The following TCF12 variants were observed in gnomAD, a reference collection of about 807,000 sequenced individuals.
TCF12 encodes DNA-binding protein HTF4.
Under a neutral mutation model 86.0 loss-of-function variants are expected in TCF12, and 45 were observed. That is an observed-to-expected ratio of 0.52 (90% CI 0.41 to 0.67). The LOEUF (loss-of-function observed/expected upper bound fraction) is 0.67. Ranked by LOEUF, TCF12 falls within the 30% of genes least tolerant of loss-of-function variation. TCF12 has a pLI of 0.00. For synonymous variants in TCF12, 330 were observed against 299.6 expected (o/e 1.10, Z -1.05); for missense variants, 881 against 859.9 (o/e 1.02, Z -0.31).
intron 6 of TCF12, among the ~76,000 whole-genome samples, chr15:57,182,260 G>A (rs528242437): frequency 3.9e-5 from 6 of 152,216 alleles, no homozygotes; most frequent in African/African-American, 1.2e-4. Context: ...AATAGTTGAT[G>A]TGTGTTTCAG....
rs551837414 is a variant in TCF12 at position 56,928,865 on chromosome 15, C to T, written c.148+7767C>T. ...AATTACTTGACTGGAAAGGATAGAA[C>T]GCCTGGGAACAGGTTGGAGAGAATG... is the stretch of plus-strand genomic sequence containing the variant. On this transcript the variant is annotated intron_variant, in intron 3 of 20. Coordinates refer to ENST00000333725, the MANE Select transcript of TCF12 (RefSeq NM_207037.2). 7.9e-5 allele frequency among the ~76,000 whole-genome samples: 12 copies of T among 152,220 alleles called. No individual in the cohort carries two copies. In the South Asian group the frequency reaches 1.9e-3, roughly 24 times the overall value.
At chr15:57,195,345 G>A (rs1379131703) in intron 7 of TCF12, among the ~76,000 whole-genome samples, 10 of 152,232 alleles carry the variant, frequency 6.6e-5, no homozygotes, top group African/African-American at 2.4e-4. Flanking sequence ...TCACATGGCA[G>A]TGGAAAAACT....
chr15:57,161,863 A>G (rs1423731396), intron 5 of TCF12, among the ~76,000 whole-genome samples: 5 of 152,234 alleles, frequency 3.3e-5, no homozygotes, highest in Non-Finnish European at 7.3e-5. Flanking sequence ...TCCTGCTGCT[A>G]AATCTTATTA....
chr15:56,925,753 T>G (rs544034236), intron 3 of TCF12, among the ~76,000 whole-genome samples: 1 of 152,372 alleles, frequency 6.6e-6, no homozygotes, highest in East Asian at 1.9e-4. Flanking sequence ...GATCATTTAA[T>G]AAGACTGCTT....
chr15:57,119,335 G>A (rs1469520066), intron 5 of TCF12, among the ~76,000 whole-genome samples: 1 of 150,928 alleles, frequency 6.6e-6, no homozygotes, highest in Non-Finnish European at 1.5e-5. Flanking sequence ...GGCAGTGTTT[G>A]TAGAGACAGG....
rs527273018 is a variant in TCF12, at chr15:57,011,375, A to G, written c.149-52375A>G. 3.7e-3 allele frequency among the ~76,000 whole-genome samples: 555 copies of G among 151,956 alleles called. 5 individuals are homozygous for G. Among genetic ancestry groups the G allele is most frequent in the African/African-American group, 0.013 (529 of 41,438 alleles). ...TGTTCCTGCTCTCCCCATGTGAGAC[A>G]CCTGCCCCCCGCTTTTCCTTCTATC... On this transcript the variant is annotated intron_variant, in intron 3 of 20. Transcript: ENST00000333725.
intron 6 of TCF12, among the ~76,000 whole-genome samples, chr15:57,170,737 A>ATATT (rs1567559372): frequency 4.0e-5 from 1 of 24,846 alleles, no homozygotes; most frequent in African/African-American, 1.1e-4. Context: ...TATTATATAT[A>ATATT]ATATATATTA....
At chr15:56,936,316 T>C (rs2060468751) in intron 3 of TCF12, among the ~76,000 whole-genome samples, 1 of 152,198 alleles carries the variant, frequency 6.6e-6, no homozygotes, top group South Asian at 2.1e-4. Flanking sequence ...TAGCCTACTT[T>C]TTGATGGGGT....
intron 12 of TCF12, among the ~76,000 whole-genome samples, chr15:57,241,252 C>T (rs769444528): frequency 3.3e-5 from 5 of 152,020 alleles, no homozygotes; most frequent in African/African-American, 4.8e-5. Context: ...CCACCACGCC[C>T]GACTAATTTT....
chr15:57,060,429 G>GA (rs1174417431), intron 3 of TCF12, among the ~76,000 whole-genome samples: 1 of 152,010 alleles, frequency 6.6e-6, no homozygotes. Flanking sequence ...GGTTAACAAG[G>GA]AAAAAAATAA....
chr15:57,102,560 T>C (rs988222920), intron 5 of TCF12, among the ~76,000 whole-genome samples: 1 of 151,008 alleles, frequency 6.6e-6, no homozygotes, highest in Non-Finnish European at 1.5e-5. Context: ...ATCGCATGAC[T>C]GCACTCCAGC....
chr15:57,249,313 A>T (rs1444311470), intron 13 of TCF12, among the ~76,000 whole-genome samples: 2 of 152,124 alleles, frequency 1.3e-5, no homozygotes, highest in South Asian at 4.1e-4. Context: ...GAGCAATTTT[A>T]GATTGTCCAT....
intron 5 of TCF12, among the ~76,000 whole-genome samples, chr15:57,147,882 C>CT (rs75528355): frequency 0.32 from 43,917 of 137,918 alleles, 8,551 homozygotes; most frequent in African/African-American, 0.56. Context: ...GGAAACTAGA[C>CT]TTTTTTTTTT....
chr15:57,171,912 T>G (rs2055532745), intron 6 of TCF12, among the ~76,000 whole-genome samples: 3 of 152,238 alleles, frequency 2.0e-5, no homozygotes, highest in South Asian at 4.1e-4. Context: ...AGCAAGTATT[T>G]ATTCACATAG....
intron 5 of TCF12, among the ~76,000 whole-genome samples, chr15:57,114,331 T>C (rs1268544489): frequency 2.6e-5 from 4 of 152,146 alleles, no homozygotes; most frequent in African/African-American, 9.7e-5. Context: ...TGTTCTGTTG[T>C]GCAGGCTGGA....
At chr15:56,945,498 G>T (rs1411808839) in intron 3 of TCF12, among the ~76,000 whole-genome samples, 2 of 151,790 alleles carry the variant, frequency 1.3e-5, no homozygotes, top group African/African-American at 4.8e-5. Context: ...CTTTGCTTTT[G>T]AAGGATATTT....
chr15:57,084,816 GTATA>G (rs2048523741), intron 4 of TCF12, among the ~76,000 whole-genome samples: 1 of 151,672 alleles, frequency 6.6e-6, no homozygotes, highest in African/African-American at 2.4e-5. Context: ...TATATTAAAT[GTATA>G]TTATGAAATT....
intron 3 of TCF12, among the ~76,000 whole-genome samples, chr15:56,947,456 C>G (rs1360692627): frequency 6.6e-6 from 1 of 152,166 alleles, no homozygotes; most frequent in Admixed American, 6.6e-5. Flanking sequence ...TCTGTCCCCT[C>G]CATTCAGTAT....
intron 3 of TCF12, among the ~76,000 whole-genome samples, chr15:57,048,475 A>G (rs1004525990): frequency 2.9e-4 from 44 of 152,088 alleles, no homozygotes; most frequent in African/African-American, 1.0e-3. Context: ...GTTTCCCAGG[A>G]TGGTCTCCAT....
Sources: gnomAD v4.1 joint callset for allele counts (sites outside exome capture counted in the v4.1 genomes callset) on GRCh38, gnomAD v4.1.1 for gene constraint, MANE v1.5 for transcripts, NCBI Gene and HGNC (gene_info 2026-07-23, HGNC 2026-07-21) for gene names.